Variants in FBN1 observed in about 807,000 individuals in gnomAD.
FBN1 encodes fibrillin 1.
A neutral mutation model predicts 365.1 loss-of-function variants in FBN1; 29 were observed. The observed-to-expected ratio is 0.08, with a 90% CI of 0.06 to 0.11. The LOEUF is 0.11. Among genes scored for constraint, FBN1 ranks in the 10% least tolerant of loss-of-function variants. The pLI, the probability that FBN1 is intolerant of heterozygous loss-of-function variation, is 1.00. For missense variants in FBN1, 2,476 were observed against 3,703.2 expected (o/e 0.67, Z 8.60); for synonymous variants, 1,210 against 1,270.5 (o/e 0.95, Z 1.01).
rs76812870 is a variant in FBN1, at chr15:48,625,369, T to C, written c.165-12277A>G. Among the ~76,000 whole-genome samples, 625 of 152,226 alleles carry C rather than the reference T, an allele frequency of 4.1e-3. 1 individual carries two copies. The highest frequency in any genetic ancestry group is 6.7e-3 in the Non-Finnish European group (458 of 68,010). ...CACGGCAGGCAACCAGAGGAAAACT[T>C]GGCCACTCAAACCCACCATGTCTCA... is the stretch of plus-strand genomic sequence containing the variant. On this transcript the variant is annotated intron_variant, in intron 2 of 65. Coordinates refer to ENST00000316623, the MANE Select transcript of FBN1 (RefSeq NM_000138.5).
chr15:48,458,142 C>T (rs544598713), intron 43 of FBN1, among the ~76,000 whole-genome samples: 5 of 152,240 alleles, frequency 3.3e-5, no homozygotes, highest in Non-Finnish European at 7.4e-5. Context: ...TGTTGAGATA[C>T]GTTGTTTACT....
intron 49 of FBN1, among the ~76,000 whole-genome samples, chr15:48,443,919 C>A (rs1309011730): frequency 6.6e-6 from 1 of 152,108 alleles, no homozygotes; most frequent in Non-Finnish European, 1.5e-5. Context: ...GTAGTCCCAG[C>A]TACTCCAGAG....
chr15:48,602,235 T>C (rs2044573298), intron 4 of FBN1, among the ~76,000 whole-genome samples: 1 of 152,170 alleles, frequency 6.6e-6, no homozygotes, highest in Non-Finnish European at 1.5e-5. Flanking sequence ...TTTTCTGATA[T>C]CTCCCAAACC....
intron 65 of FBN1, 62 bp downstream of exon 65, chr15:48,412,507 A>G: frequency 1.9e-6 from 3 of 1,568,596 alleles, no homozygotes; most frequent in Non-Finnish European, 2.6e-6. Context: ...GGAGGAAACC[A>G]CAGGAATCTG....
At chr15:48,591,308 A>G (rs2044474918) in intron 6 of FBN1, among the ~76,000 whole-genome samples, 1 of 152,232 alleles carries the variant, frequency 6.6e-6, no homozygotes, top group African/African-American at 2.4e-5. Flanking sequence ...AGGGAAAAAA[A>G]AAAATCACAC....
intron 6 of FBN1, among the ~76,000 whole-genome samples, chr15:48,563,974 A>C (rs925577259): frequency 6.6e-6 from 1 of 152,206 alleles, no homozygotes; most frequent in Non-Finnish European, 1.5e-5. Context: ...ATGTAAAAAC[A>C]GTGCTCAAAA....
intron 30 of FBN1, 107 bp downstream of exon 30, chr15:48,485,267 C>T: frequency 7.1e-7 from 1 of 1,416,494 alleles, no homozygotes; most frequent in East Asian, 2.3e-5. Context: ...AAATATATGA[C>T]AAACAAGGGT....
At chr15:48,564,396 C>T (rs985528426) in intron 6 of FBN1, among the ~76,000 whole-genome samples, 4 of 152,024 alleles carry the variant, frequency 2.6e-5, no homozygotes, top group African/African-American at 7.2e-5. Flanking sequence ...AAAGCCAATG[C>T]GGTTTTGTGT....
chr15:48,568,052 G>GAAA (rs1566928778), intron 6 of FBN1, among the ~76,000 whole-genome samples: 2 of 46,418 alleles, frequency 4.3e-5, no homozygotes, highest in Non-Finnish European at 4.6e-5. Context: ...AAAGAAAGAA[G>GAAA]AAAGAAAGAA....
chr15:48,484,687 T>C (rs557082569), intron 30 of FBN1, among the ~76,000 whole-genome samples: 1 of 152,320 alleles, frequency 6.6e-6, no homozygotes, highest in Admixed American at 6.5e-5. Context: ...TCAACAATTT[T>C]TGTAGCCAAA....
chr15:48,474,736 G>A (rs2043406387), intron 32 of FBN1, 86 bp from the exon 33 acceptor site: 2 of 1,561,934 alleles, frequency 1.3e-6, no homozygotes, highest in South Asian at 2.2e-5. Flanking sequence ...AAGTTGACTT[G>A]CCTTCAAACT....
rs2043596648 is a variant in FBN1, at chr15:48,495,263, G to T, written c.2540-3C>A. 1 of 1,613,902 alleles carries T rather than the reference G, an allele frequency of 6.2e-7. No individual in the cohort carries two copies. Among genetic ancestry groups the T allele is most frequent in the South Asian group, 1.1e-5 (1 of 91,080 alleles). On this transcript the variant is annotated splice_region_variant and splice_polypyrimidine_tract_variant and intron_variant, in intron 21 of 65. Transcript: ENST00000316623. ...CCAGCAAGTGCCCTTGATGGTTTCTGCAGAGGAGGGAATAATATTTAATAG... is the reference window on the plus strand; with the variant it reads ...CCAGCAAGTGCCCTTGATGGTTTCTTCAGAGGAGGGAATAATATTTAATAG...
intron 4 of FBN1, among the ~76,000 whole-genome samples, chr15:48,601,525 C>T (rs778903899): frequency 2.6e-5 from 4 of 152,158 alleles, no homozygotes; most frequent in Non-Finnish European, 5.9e-5. Flanking sequence ...TCTTTCTACA[C>T]AAAAGCAGAA....
At position 48,598,915 on chromosome 15, in the gene FBN1, A is replaced by G. The variant is rs574694798; in HGVS notation, c.442+1224T>C. Among the ~76,000 whole-genome samples, 13 of 152,306 alleles carry G rather than the reference A, an allele frequency of 8.5e-5. No individual in the cohort carries two copies. In the East Asian group the frequency reaches 2.1e-3, roughly 25 times the overall value. ...CAGGTCTCTTTCCCATGCTGTTCCC[A>G]TAACAGTAAGTCTCACAAGATCTGA... On this transcript the variant is annotated intron_variant, in intron 5 of 65. Coordinates refer to ENST00000316623, the MANE Select transcript of FBN1 (RefSeq NM_000138.5).
At chr15:48,524,834 C>G (rs1414728722) in intron 9 of FBN1, among the ~76,000 whole-genome samples, 1 of 152,140 alleles carries the variant, frequency 6.6e-6, no homozygotes, top group African/African-American at 2.4e-5. Context: ...CACCTCATAC[C>G]CTGTGATCCA....
chr15:48,459,267 G>C (rs945979828), intron 43 of FBN1, among the ~76,000 whole-genome samples: 1 of 152,198 alleles, frequency 6.6e-6, no homozygotes, highest in African/African-American at 2.4e-5. Flanking sequence ...TAAAAGATCT[G>C]TTTTGGGAAG....
chr15:48,479,844 A>G (rs1395852696), intron 32 of FBN1, among the ~76,000 whole-genome samples: 2 of 152,226 alleles, frequency 1.3e-5, no homozygotes, highest in Non-Finnish European at 1.5e-5. Context: ...ATCAGTAAAC[A>G]GTAGCATAAA....
At position 48,474,284 on chromosome 15, in the gene FBN1, C is replaced by T; in HGVS notation, c.4181G>A (p.Gly1394Glu). The change falls in exon 34 of 66, where the codon GGA becomes GAA. Residue 1394 changes from glycine (G) to glutamate (E), a missense_variant. Coordinates refer to ENST00000316623, the MANE Select transcript of FBN1 (RefSeq NM_000138.5). ...ACAAGTGAAGCCATCACCTGTGTAT[C>T]CTTCCTTGCACAGACAGCGGTAAGA... ...MGSYRCLCKE[G>E]YTGDGFTCTD... The T allele has an allele frequency of 6.2e-7, 1 of 1,614,138 alleles. No homozygotes were observed. The highest frequency in any genetic ancestry group is 8.5e-7 in the Non-Finnish European group (1 of 1,179,996).
At chr15:48,573,999 C>T (rs1166974074) in intron 6 of FBN1, among the ~76,000 whole-genome samples, 2 of 152,172 alleles carry the variant, frequency 1.3e-5, no homozygotes, top group Non-Finnish European at 2.9e-5. Flanking sequence ...AGCCTTGTCC[C>T]GACCGCACGG....
Sources: gnomAD v4.1 joint callset for allele counts (sites outside exome capture counted in the v4.1 genomes callset) on GRCh38, gnomAD v4.1.1 for gene constraint, MANE v1.5 for transcripts, NCBI Gene and HGNC (gene_info 2026-07-23, HGNC 2026-07-21) for gene names.